PCYT1B: variants seen among roughly 807,000 people sequenced by gnomAD.
PCYT1B encodes phosphate cytidylyltransferase 1B, choline, also known as choline-phosphate cytidylyltransferase B.
PCYT1B carries 10 observed loss-of-function variants against 26.4 expected under a neutral mutation model. The ratio of observed to expected loss-of-function variants is 0.38; its 90% CI spans 0.23 to 0.64. PCYT1B has a LOEUF of 0.64. PCYT1B is among the 30% of genes least tolerant of loss of function. The pLI, the probability that PCYT1B is intolerant of heterozygous loss-of-function variation, is 0.56. For missense variants in PCYT1B, 161 were observed against 292.7 expected, an observed-to-expected ratio of 0.55 and a Z score of 3.28; for synonymous variants, 131 against 108.4, an observed-to-expected ratio of 1.21 and a Z score of -1.29.
At chrX:24,617,897 G>A (rs769578428) in intron 2 of PCYT1B, among the ~76,000 whole-genome samples, 1 of 111,533 alleles carries the variant, frequency 9.0e-6, no homozygotes, top group East Asian at 2.8e-4. Context: ...CAATACCTTT[G>A]CATCTTCTGC....
intron 3 of PCYT1B, among the ~76,000 whole-genome samples, chrX:24,597,374 G>A (rs1020251424): frequency 9.0e-6 from 1 of 111,227 alleles, no homozygotes; most frequent in African/African-American, 3.3e-5. Flanking sequence ...CCGCCCACTC[G>A]GCCTCCCAAA....
At chrX:24,642,005 A>G (rs771683843) in intron 1 of PCYT1B, among the ~76,000 whole-genome samples, 1 of 112,853 alleles carries the variant, frequency 8.9e-6, no homozygotes, top group Non-Finnish European at 1.9e-5. Context: ...GGATTGGGTT[A>G]ACAGAGTCCT....
chrX:24,602,755 A>T (rs1368936347), intron 3 of PCYT1B, among the ~76,000 whole-genome samples: 1 of 112,174 alleles, frequency 8.9e-6, no homozygotes, highest in East Asian at 2.7e-4. Context: ...ATCTTTTATA[A>T]CTACTTAAAT....
intron 5 of PCYT1B, among the ~76,000 whole-genome samples, chrX:24,582,238 C>T (rs754630342): frequency 5.3e-5 from 6 of 112,249 alleles, no homozygotes; most frequent in South Asian, 7.4e-4. Flanking sequence ...AATAATAAGA[C>T]GATTCTCTAG....
At chrX:24,656,129 C>CAAA (rs34397973) in intron 1 of PCYT1B, among the ~76,000 whole-genome samples, 24 of 5,885 alleles carry the variant, frequency 4.1e-3, no homozygotes, top group Non-Finnish European at 4.8e-3. Flanking sequence ...AACTCCATCT[C>CAAA]AAAAAAAAAA....
At position 24,561,871 on chromosome X, in the gene PCYT1B, T is replaced by A; in HGVS notation, c.*422A>T. 1 of 414,390 alleles carries A rather than the reference T, an allele frequency of 2.4e-6. No homozygotes were observed. Among genetic ancestry groups the A allele is most frequent in the Non-Finnish European group, 4.2e-6 (1 of 237,347 alleles). The allele number at this position is 414,390 out of a possible 1,213,427, so 34.2% of individuals were successfully genotyped here. On this transcript the variant is annotated 3_prime_UTR_variant, in exon 8 of 8. Transcript: ENST00000379144. ...GGAAACAATTTTATTCTGGCAGAGC[T>A]GGGGTGGTGGGAGGCAACGTGCAGG...
intron 1 of PCYT1B, among the ~76,000 whole-genome samples, chrX:24,631,862 G>C (rs1035977734): frequency 6.3e-5 from 7 of 111,211 alleles, no homozygotes; most frequent in African/African-American, 2.3e-4. Context: ...CTACTCGGGA[G>C]GGGGAGGTTG....
intron 3 of PCYT1B, among the ~76,000 whole-genome samples, chrX:24,595,317 G>T: frequency 9.1e-6 from 1 of 109,538 alleles, no homozygotes; most frequent in Non-Finnish European, 1.9e-5. Flanking sequence ...AATGTCTATG[G>T]ATCCCACAAG....
At chrX:24,670,523 G>T (rs763710519) in intron 1 of PCYT1B, among the ~76,000 whole-genome samples, 2 of 112,082 alleles carry the variant, frequency 1.8e-5, no homozygotes, top group African/African-American at 6.5e-5. Context: ...AGTTGAGCCT[G>T]CCTGTGTGAG....
intron 2 of PCYT1B, among the ~76,000 whole-genome samples, chrX:24,611,139 C>A (rs1433810187): frequency 9.0e-6 from 1 of 111,293 alleles, no homozygotes; most frequent in Admixed American, 9.6e-5. Flanking sequence ...TCAAATCATT[C>A]AAGAGGACAG....
chrX:24,644,822 G>A (rs1000743439), intron 1 of PCYT1B, among the ~76,000 whole-genome samples: 2 of 112,029 alleles, frequency 1.8e-5, no homozygotes, highest in African/African-American at 6.5e-5. Flanking sequence ...ATACTTTGGA[G>A]GCCAAGGTGG....
intron 3 of PCYT1B, among the ~76,000 whole-genome samples, chrX:24,590,808 T>TG (rs1462612798): frequency 9.7e-6 from 1 of 102,896 alleles, no homozygotes; most frequent in Non-Finnish European, 2.0e-5. Flanking sequence ...TTTTTTTTTT[T>TG]TTTGAGACAG....
Position 24,561,711 on chromosome X carries a change from G to C in PCYT1B, c.*582C>G, listed in dbSNP as rs1049536011. 2.1e-5 allele frequency: 4 copies of C among 189,583 alleles called. No individual in the cohort carries two copies. In the Admixed American group the frequency reaches 2.7e-4, roughly 13 times the overall value. 15.6% of individuals were successfully genotyped at this position (189,583 alleles called of 1,213,427 possible). A position where few individuals can be genotyped will look rare whatever the true frequency, so the allele number is the denominator to read the frequency against. Reference sequence around the variant, plus strand: ...ACCTTTTATAACCAGCCTAAAGCAAGGCTTTGTCTATGAGCCACATTCATG... The same window carrying C: ...ACCTTTTATAACCAGCCTAAAGCAACGCTTTGTCTATGAGCCACATTCATG... On this transcript the variant is annotated 3_prime_UTR_variant, in exon 8 of 8. Transcript: ENST00000379144.
chrX:24,574,925 C>T lies in PCYT1B; in HGVS notation c.897+205G>A, dbSNP rs59115789. 7.6e-3 allele frequency among the ~76,000 whole-genome samples: 855 copies of T among 112,075 alleles called. 12 individuals carry two copies. Among genetic ancestry groups the T allele is most frequent in the African/African-American group, 0.027 (831 of 30,860 alleles). On this transcript the variant is annotated intron_variant, in intron 7 of 7. Coordinates refer to ENST00000379144, the MANE Select transcript of PCYT1B (RefSeq NM_004845.5). The stretch of plus-strand genomic sequence containing the variant: ...AACTAGAAACTGAAACCAGACGTGG[C>T]TTTGTGTGCTACTGGGTGCCATATT...
intron 1 of PCYT1B, among the ~76,000 whole-genome samples, chrX:24,624,075 T>G (rs1050380144): frequency 9.3e-5 from 10 of 107,065 alleles, no homozygotes; most frequent in African/African-American, 3.4e-4. Context: ...GTTCATGCCA[T>G]TCTCCTGCCT....
At chrX:24,638,410 C>A (rs1016225954) in intron 1 of PCYT1B, among the ~76,000 whole-genome samples, 5 of 111,755 alleles carry the variant, frequency 4.5e-5, no homozygotes, top group Admixed American at 9.6e-5. Context: ...GCCTCCCATA[C>A]AACCCAGTTC....
chrX:24,561,958 G>T lies in PCYT1B; in HGVS notation c.*335C>A. 1 of 615,137 alleles carries T rather than the reference G, an allele frequency of 1.6e-6. No homozygotes were observed. The highest frequency in any genetic ancestry group is 2.6e-6 in the Non-Finnish European group (1 of 380,252). The allele number at this position is 615,137 out of a possible 1,213,427, so 50.7% of individuals were successfully genotyped here. ...AGCCGCTGCCACAGGTGGTTTACTTGGTGGGGGTGGTGGAAGGACCAAAGC... is the reference window on the plus strand; with the variant it reads ...AGCCGCTGCCACAGGTGGTTTACTTTGTGGGGGTGGTGGAAGGACCAAAGC... On this transcript the variant is annotated 3_prime_UTR_variant, in exon 8 of 8. Transcript: ENST00000379144.
chrX:24,631,795 GTC>G (rs765883728), intron 1 of PCYT1B, among the ~76,000 whole-genome samples: 1 of 112,021 alleles, frequency 8.9e-6, no homozygotes, highest in Non-Finnish European at 1.9e-5. Flanking sequence ...GTGAAACCCT[GTC>G]TCTACTAAAA....
At chrX:24,665,519 G>A (rs940947302) in intron 1 of PCYT1B, among the ~76,000 whole-genome samples, 1 of 110,890 alleles carries the variant, frequency 9.0e-6, no homozygotes, top group Non-Finnish European at 1.9e-5. Flanking sequence ...TCGAACTCCT[G>A]ACTGCAGGTG....
Sources: gnomAD v4.1 joint callset for allele counts (sites outside exome capture counted in the v4.1 genomes callset) on GRCh38, gnomAD v4.1.1 for gene constraint, MANE v1.5 for transcripts, NCBI Gene and HGNC (gene_info 2026-07-23, HGNC 2026-07-21) for gene names.